COL4A1: variants seen among roughly 807,000 people sequenced by gnomAD.
COL4A1 encodes the protein collagen type IV alpha 1 chain.
In COL4A1, 40 loss-of-function variants were observed where a neutral mutation model predicts 216.6. The ratio of observed to expected loss-of-function variants is 0.18; its 90% CI spans 0.14 to 0.24. COL4A1 has a LOEUF of 0.24. COL4A1 is among the 10% of genes least tolerant of loss of function. The pLI, the probability that COL4A1 is intolerant of heterozygous loss-of-function variation, is 1.00. For synonymous variants in COL4A1, 839 were observed against 810.7 expected (o/e 1.03, Z -0.59); for missense variants, 1,628 against 2,196.8 (o/e 0.74, Z 5.18).
At chr13:110,289,388 C>T (rs1454068857) in intron 1 of COL4A1, among the ~76,000 whole-genome samples, 1 of 152,176 alleles carries the variant, frequency 6.6e-6, no homozygotes, top group Non-Finnish European at 1.5e-5. Context: ...TCCTCATCAC[C>T]TTGCAATCAA....
intron 1 of COL4A1, among the ~76,000 whole-genome samples, chr13:110,251,974 A>G (rs1882091821): frequency 6.6e-6 from 1 of 152,218 alleles, no homozygotes; most frequent in South Asian, 2.1e-4. Context: ...AGACTTACAG[A>G]AATTCCAACA....
intron 1 of COL4A1, among the ~76,000 whole-genome samples, chr13:110,258,798 A>AAT (rs1376723947): frequency 6.6e-6 from 1 of 152,240 alleles, no homozygotes; most frequent in African/African-American, 2.4e-5. Flanking sequence ...TAGTTCCCAC[A>AAT]ATATATATAT....
chr13:110,258,329 G>C (rs1882667763), intron 1 of COL4A1, among the ~76,000 whole-genome samples: 2 of 152,212 alleles, frequency 1.3e-5, no homozygotes, highest in Admixed American at 6.5e-5. Flanking sequence ...CATGAGCTCA[G>C]GAGTTCGAGA....
chr13:110,181,234 A>G (rs1878136103), intron 29 of COL4A1, 58 bp downstream of exon 29: 2 of 1,553,644 alleles, frequency 1.3e-6, no homozygotes, highest in Admixed American at 1.7e-5. Flanking sequence ...CATTTTTTCC[A>G]TCCAACTAAT....
At chr13:110,283,402 G>A (rs1199975052) in intron 1 of COL4A1, among the ~76,000 whole-genome samples, 1 of 152,230 alleles carries the variant, frequency 6.6e-6, no homozygotes, top group African/African-American at 2.4e-5. Flanking sequence ...GTAGGGAGAT[G>A]AGAATGTGAG....
chr13:110,183,152 G>A lies in COL4A1; in HGVS notation c.1990+32C>T, dbSNP rs780099700. On this transcript the variant is annotated intron_variant, in intron 27 of 51. Coordinates refer to ENST00000375820, the MANE Select transcript of COL4A1 (RefSeq NM_001845.6). ...GAGAAAAACGTGAGGAAACTCTCGT[G>A]GTATCCCGGTGAGCTGGAATTCCAA... is the stretch of plus-strand genomic sequence containing the variant. The A allele has an allele frequency of 1.1e-5, 18 of 1,612,756 alleles. No homozygotes were observed. The South Asian group carries it at 1.7e-4, about 15-fold the overall frequency.
At chr13:110,276,538 A>G (rs1883438845) in intron 1 of COL4A1, among the ~76,000 whole-genome samples, 1 of 152,198 alleles carries the variant, frequency 6.6e-6, no homozygotes, top group South Asian at 2.1e-4. Context: ...AAATTTTTGT[A>G]GGATATTTAC....
At chr13:110,248,984 G>GT (rs944633732) in intron 1 of COL4A1, among the ~76,000 whole-genome samples, 10 of 152,048 alleles carry the variant, frequency 6.6e-5, no homozygotes, top group Admixed American at 1.3e-4. Context: ...TGTCACGCTT[G>GT]TTTTAACCGC....
chr13:110,185,341 T>C (rs2139172078), intron 26 of COL4A1, among the ~76,000 whole-genome samples: 1 of 152,120 alleles, frequency 6.6e-6, no homozygotes, highest in Non-Finnish European at 1.5e-5. Flanking sequence ...AGATGGGGTT[T>C]CACCATATTG....
intron 17 of COL4A1, 133 bp from the exon 18 acceptor site, chr13:110,203,740 A>G (rs1487666078): frequency 2.2e-5 from 19 of 882,504 alleles, no homozygotes; most frequent in Non-Finnish European, 3.3e-5. Context: ...TCTCTTTAAT[A>G]TCTCTCATTC....
intron 47 of COL4A1, among the ~76,000 whole-genome samples, chr13:110,163,198 G>A (rs1877166136): frequency 6.6e-6 from 1 of 152,172 alleles, no homozygotes; most frequent in African/African-American, 2.4e-5. Flanking sequence ...TCCCACTTAG[G>A]AAACCACATG....
At chr13:110,233,067 A>T (rs1881139639) in intron 2 of COL4A1, among the ~76,000 whole-genome samples, 2 of 152,346 alleles carry the variant, frequency 1.3e-5, no homozygotes, top group South Asian at 4.1e-4. Context: ...CGTGTGCAGA[A>T]TAAAATAAAC....
chr13:110,271,152 G>A (rs1883231124), intron 1 of COL4A1, among the ~76,000 whole-genome samples: 1 of 152,190 alleles, frequency 6.6e-6, no homozygotes, highest in Non-Finnish European at 1.5e-5. Flanking sequence ...TGGGAGCAAA[G>A]GGAAAGCTCT....
intron 51 of COL4A1, among the ~76,000 whole-genome samples, chr13:110,151,073 A>G (rs1442073610): frequency 6.6e-6 from 1 of 152,230 alleles, no homozygotes; most frequent in African/African-American, 2.4e-5. Flanking sequence ...ATTGTTGAAA[A>G]GGTAAAATCT....
chr13:110,170,862 C>T, intron 41 of COL4A1, 130 bp from the exon 42 acceptor site: 3 of 946,658 alleles, frequency 3.2e-6, no homozygotes, highest in Non-Finnish European at 5.0e-6. Context: ...CTTCCAGGGA[C>T]ACCACAGGAA....
intron 1 of COL4A1, among the ~76,000 whole-genome samples, chr13:110,275,813 C>T (rs924706374): frequency 2.6e-5 from 4 of 152,090 alleles, no homozygotes; most frequent in African/African-American, 7.2e-5. Context: ...ACATACCATA[C>T]GATTCCAACT....
chr13:110,262,204 G>T (rs1882857282), intron 1 of COL4A1, among the ~76,000 whole-genome samples: 1 of 152,152 alleles, frequency 6.6e-6, no homozygotes, highest in South Asian at 2.1e-4. Context: ...GGGGGTCACT[G>T]CCTGAGTCCC....
chr13:110,249,996 A>C (rs1882002069), intron 1 of COL4A1, among the ~76,000 whole-genome samples: 1 of 152,166 alleles, frequency 6.6e-6, no homozygotes. Flanking sequence ...ATTTGTTTTG[A>C]CTAATGTAAG....
At chr13:110,222,482 G>A (rs980180095) in intron 2 of COL4A1, among the ~76,000 whole-genome samples, 2 of 151,054 alleles carry the variant, frequency 1.3e-5, no homozygotes, top group Admixed American at 6.7e-5. Flanking sequence ...AAAGAATTAA[G>A]GCTTTTTCAG....
Sources: allele counts gnomAD v4.1 joint callset (sites outside exome capture counted in the v4.1 genomes callset), GRCh38; gene constraint gnomAD v4.1.1; transcripts MANE v1.5; gene names NCBI Gene and HGNC (gene_info 2026-07-23, HGNC 2026-07-21).